SPIDR: variants seen among roughly 807,000 people sequenced by gnomAD.
The protein encoded by SPIDR is scaffold protein involved in DNA repair, also known as DNA repair-scaffolding protein.
In SPIDR, 93 loss-of-function variants were observed where a neutral mutation model predicts 104.6. That is an observed-to-expected ratio of 0.89 (90% CI 0.75 to 1.06). The LOEUF is 1.06. Among genes scored for constraint, SPIDR ranks in the 50% least tolerant of loss-of-function variants. The probability of loss-of-function intolerance (pLI) is 0.00; values close to 1 mark genes in which losing one functional copy is unlikely to be tolerated. For synonymous variants in SPIDR, 431 were observed against 416.9 expected, an observed-to-expected ratio of 1.03 and a Z score of -0.41; for missense variants, 1,154 against 1,111.2, an observed-to-expected ratio of 1.04 and a Z score of -0.55.
chr8:47,407,000 C>G (rs2062850311), intron 6 of SPIDR, among the ~76,000 whole-genome samples: 1 of 152,122 alleles, frequency 6.6e-6, no homozygotes, highest in Non-Finnish European at 1.5e-5. Context: ...TAGCATGTAG[C>G]TATAGTGGTA....
chr8:47,493,594 C>T (rs1475308591), intron 8 of SPIDR, among the ~76,000 whole-genome samples: 1 of 152,156 alleles, frequency 6.6e-6, no homozygotes, highest in Non-Finnish European at 1.5e-5. Context: ...CTGCTGTTGT[C>T]CTGGTGATCA....
At chr8:47,391,158 G>A (rs2060538580) in intron 5 of SPIDR, among the ~76,000 whole-genome samples, 1 of 152,062 alleles carries the variant, frequency 6.6e-6, no homozygotes, top group Admixed American at 6.5e-5. Context: ...TGGACGTGGG[G>A]GATATTCTAA....
chr8:47,620,273 C>CTTT (rs61006472), intron 10 of SPIDR, among the ~76,000 whole-genome samples: 2 of 82,918 alleles, frequency 2.4e-5, no homozygotes, highest in African/African-American at 9.7e-5. Context: ...CCATTTAAAC[C>CTTT]TTTTTTTTTT....
chr8:47,532,795 T>G (rs1264747623), intron 8 of SPIDR, among the ~76,000 whole-genome samples: 1 of 152,240 alleles, frequency 6.6e-6, no homozygotes, highest in East Asian at 1.9e-4. Flanking sequence ...AATTTACATT[T>G]ATAGAATACT....
intron 7 of SPIDR, among the ~76,000 whole-genome samples, chr8:47,416,635 T>A (rs531015517): frequency 1.1e-4 from 17 of 152,326 alleles, no homozygotes; most frequent in Admixed American, 7.8e-4. Context: ...TTCTTTTTTT[T>A]TATACTTTAA....
At chr8:47,405,292 G>GTC in intron 6 of SPIDR, among the ~76,000 whole-genome samples, 1 of 56,010 alleles carries the variant, frequency 1.8e-5, no homozygotes, top group Non-Finnish European at 3.0e-5. Context: ...AACATGGCAC[G>GTC]TGTGTGTGTG....
chr8:47,377,524 T>A (rs1219955377), intron 5 of SPIDR, among the ~76,000 whole-genome samples: 1 of 152,194 alleles, frequency 6.6e-6, no homozygotes, highest in Non-Finnish European at 1.5e-5. Context: ...AGCAATGAAT[T>A]ATGGCAGTTC....
At chr8:47,381,324 T>TGG (rs1563795807) in intron 5 of SPIDR, among the ~76,000 whole-genome samples, 1 of 152,234 alleles carries the variant, frequency 6.6e-6, no homozygotes, top group Admixed American at 6.5e-5. Context: ...CCACCAGTAC[T>TGG]CTTTCATTCC....
chr8:47,403,753 A>G (rs760014678), intron 6 of SPIDR, among the ~76,000 whole-genome samples: 1 of 152,236 alleles, frequency 6.6e-6, no homozygotes, highest in Non-Finnish European at 1.5e-5. Context: ...GGAAGAATCA[A>G]TATTGGGAAA....
intron 5 of SPIDR, chr8:47,360,776 T>G (rs1304907123): frequency 2.1e-6 from 2 of 950,354 alleles, no homozygotes; most frequent in Non-Finnish European, 2.5e-6. Context: ...AGTGAAAAAG[T>G]CTGTGGGGCA....
intron 3 of SPIDR, among the ~76,000 whole-genome samples, chr8:47,286,071 T>G (rs1226451774): frequency 1.3e-5 from 2 of 152,156 alleles, no homozygotes; most frequent in African/African-American, 2.4e-5. Flanking sequence ...AAATCTAGAG[T>G]CCTGGTCTCT....
In SPIDR at chr8:47,347,632, G is replaced by A. The variant is rs559417385; in HGVS notation, c.526-48744G>A. 1.1e-3 allele frequency among the ~76,000 whole-genome samples: 172 copies of A among 152,228 alleles called. 1 individual carries two copies. Among genetic ancestry groups the A allele is most frequent in the Non-Finnish European group, 6.0e-4 (41 of 68,022 alleles). On this transcript the variant is annotated intron_variant, in intron 5 of 19. Coordinates refer to ENST00000297423, the MANE Select transcript of SPIDR (RefSeq NM_001080394.4). ...AAGGACTTGCTTTATGAATCTGGGTGCTTCTTTATTGGGTGCATACATATT... is the reference window on the plus strand; with the variant it reads ...AAGGACTTGCTTTATGAATCTGGGTACTTCTTTATTGGGTGCATACATATT...
chr8:47,479,774 C>T (rs1554725919), intron 8 of SPIDR, among the ~76,000 whole-genome samples: 1 of 152,186 alleles, frequency 6.6e-6, no homozygotes, highest in Non-Finnish European at 1.5e-5. Flanking sequence ...ACTAATAGAA[C>T]TGTAAGTTTG....
At chr8:47,463,157 G>A (rs1470917054) in intron 8 of SPIDR, among the ~76,000 whole-genome samples, 2 of 152,016 alleles carry the variant, frequency 1.3e-5, no homozygotes, top group Non-Finnish European at 1.5e-5. Flanking sequence ...AGGAGATCAA[G>A]ACCATCCTGG....
intron 7 of SPIDR, among the ~76,000 whole-genome samples, chr8:47,411,331 G>T (rs2063495376): frequency 6.6e-6 from 1 of 152,154 alleles, no homozygotes; most frequent in Non-Finnish European, 1.5e-5. Context: ...GTTGTTTCCT[G>T]ACTTTTTAAT....
chr8:47,318,676 G>A (rs2154260251), intron 5 of SPIDR, among the ~76,000 whole-genome samples: 1 of 150,218 alleles, frequency 6.7e-6, no homozygotes, highest in Non-Finnish European at 1.5e-5. Flanking sequence ...AGGAAAAAAT[G>A]TTAAGGGCAG....
At chr8:47,577,815 G>A (rs1406764864) in intron 8 of SPIDR, among the ~76,000 whole-genome samples, 1 of 152,102 alleles carries the variant, frequency 6.6e-6, no homozygotes, top group Non-Finnish European at 1.5e-5. Context: ...CACATTAGGG[G>A]GCCCCACCCC....
At chr8:47,467,223 TACCCTGCCA>T (rs782539236) in intron 8 of SPIDR, among the ~76,000 whole-genome samples, 6 of 151,924 alleles carry the variant, frequency 3.9e-5, no homozygotes, top group Non-Finnish European at 7.4e-5. Flanking sequence ...CAGTAATAAA[TACCCTGCCA>T]ACCAAAAAAA....
chr8:47,474,501 G>A (rs2076068572), intron 8 of SPIDR, among the ~76,000 whole-genome samples: 1 of 152,122 alleles, frequency 6.6e-6, no homozygotes, highest in African/African-American at 2.4e-5. Context: ...TCTGAGTGTT[G>A]GTTCTCTTTC....
Sources: allele counts gnomAD v4.1 joint callset (sites outside exome capture counted in the v4.1 genomes callset), GRCh38; gene constraint gnomAD v4.1.1; transcripts MANE v1.5; gene names NCBI Gene and HGNC (gene_info 2026-07-23, HGNC 2026-07-21).